The following CADM2 variants were observed in gnomAD, a reference collection of about 807,000 sequenced individuals.
CADM2 encodes cell adhesion molecule 2, also known as immunoglobulin superfamily member 4D.
Under a neutral mutation model 49.8 loss-of-function variants are expected in CADM2, and 12 were observed. That is an observed-to-expected ratio of 0.24 (90% CI 0.15 to 0.39). CADM2 has a LOEUF of 0.39. Ranked by LOEUF, CADM2 falls within the 10% of genes least tolerant of loss-of-function variation. The probability of loss-of-function intolerance (pLI) is 1.00; values close to 1 mark genes in which losing one functional copy is unlikely to be tolerated. For synonymous variants in CADM2, 214 were observed against 175.4 expected (o/e 1.22, Z -1.74); for missense variants, 378 against 492.3 (o/e 0.77, Z 2.20).
intron 7 of CADM2, among the ~76,000 whole-genome samples, chr3:85,961,056 A>T: frequency 6.8e-6 from 1 of 147,192 alleles, no homozygotes; most frequent in East Asian, 2.0e-4. Context: ...ATTTATAAAA[A>T]TTATATATTT....
chr3:85,737,279 G>A (rs1334374417), intron 2 of CADM2, among the ~76,000 whole-genome samples: 6 of 152,030 alleles, frequency 3.9e-5, no homozygotes, highest in South Asian at 4.1e-4. Flanking sequence ...ACTGATTCTC[G>A]TAATCGAAAA....
At position 85,028,668 on chromosome 3, in the gene CADM2, T is replaced by C. The variant is rs190760839; in HGVS notation, c.61+69000T>C. Among the ~76,000 whole-genome samples, 371 of 152,088 alleles carry C rather than the reference T, an allele frequency of 2.4e-3. 4 individuals are homozygous for C. Among genetic ancestry groups the C allele is most frequent in the African/African-American group, 8.7e-3 (362 of 41,532 alleles). On this transcript the variant is annotated intron_variant, in intron 1 of 9. Transcript: ENST00000383699. Reference sequence around the variant, plus strand: ...AAAGAAAATAGAAATCTCGTGATATTTGATGTGAGCATACAGAAGACTGGT... The same window carrying C: ...AAAGAAAATAGAAATCTCGTGATATCTGATGTGAGCATACAGAAGACTGGT...
intron 1 of CADM2, among the ~76,000 whole-genome samples, chr3:85,467,104 T>C: frequency 6.6e-6 from 1 of 152,302 alleles, no homozygotes; most frequent in Admixed American, 6.5e-5. Flanking sequence ...CTATGTTGAC[T>C]ACAAGAGATA....
intron 1 of CADM2, among the ~76,000 whole-genome samples, chr3:85,564,975 A>G (rs958749568): frequency 6.6e-6 from 1 of 152,136 alleles, no homozygotes; most frequent in African/African-American, 2.4e-5. Flanking sequence ...AGCTTTAGAT[A>G]TGCATAGATC....
chr3:84,993,333 G>T (rs1409534485), intron 1 of CADM2, among the ~76,000 whole-genome samples: 1 of 152,130 alleles, frequency 6.6e-6, no homozygotes. Flanking sequence ...GATGCCCATT[G>T]CTAGTGAAAC....
chr3:85,473,435 T>G (rs777124323), intron 1 of CADM2, among the ~76,000 whole-genome samples: 6 of 152,028 alleles, frequency 3.9e-5, no homozygotes, highest in Non-Finnish European at 8.8e-5. Context: ...ACCAGTCTTT[T>G]AATTAGGCAG....
intron 1 of CADM2, among the ~76,000 whole-genome samples, chr3:85,551,714 G>A (rs527749498): frequency 1.3e-5 from 2 of 152,138 alleles, no homozygotes; most frequent in Admixed American, 1.3e-4. Context: ...CACAACACAA[G>A]GCAATCCTTT....
At chr3:85,319,691 A>G (rs1643940733) in intron 1 of CADM2, among the ~76,000 whole-genome samples, 1 of 152,232 alleles carries the variant, frequency 6.6e-6, no homozygotes, top group Non-Finnish European at 1.5e-5. Flanking sequence ...GTATGCAGGA[A>G]CAGAAAACCA....
rs969696518 is a variant in CADM2, at chr3:85,532,283, A to C, written c.62-194239A>C. 7.9e-5 allele frequency among the ~76,000 whole-genome samples: 12 copies of C among 152,320 alleles called. No individual in the cohort carries two copies. In the Middle Eastern group the frequency reaches 0.014, roughly 173 times the overall value. On this transcript the variant is annotated intron_variant, in intron 1 of 9. Coordinates refer to ENST00000383699, the MANE Select transcript of CADM2 (RefSeq NM_001167675.2). ...TATTCTCCCTCCTCAAACTGAAATAATTCAAAGTACTTGTTATTGTTGACT... is the reference window on the plus strand; with the variant it reads ...TATTCTCCCTCCTCAAACTGAAATACTTCAAAGTACTTGTTATTGTTGACT...
chr3:85,147,864 G>A (rs776172179), intron 1 of CADM2, among the ~76,000 whole-genome samples: 1 of 152,018 alleles, frequency 6.6e-6, no homozygotes, highest in African/African-American at 2.4e-5. Flanking sequence ...GAAATGTTTT[G>A]TTAACATTTA....
At chr3:85,348,183 C>T (rs2030958745) in intron 1 of CADM2, among the ~76,000 whole-genome samples, 1 of 152,100 alleles carries the variant, frequency 6.6e-6, no homozygotes, top group African/African-American at 2.4e-5. Flanking sequence ...CAATCCTCAG[C>T]CAATTGCAAA....
At chr3:85,659,053 A>AAATAATAT (rs2065311767) in intron 1 of CADM2, among the ~76,000 whole-genome samples, 1 of 140,070 alleles carries the variant, frequency 7.1e-6, no homozygotes. Flanking sequence ...CTCTGTCTCT[A>AAATAATAT]AATAATAATA....
chr3:85,810,571 A>G (rs1327196946), intron 3 of CADM2, among the ~76,000 whole-genome samples: 3 of 118,340 alleles, frequency 2.5e-5, no homozygotes, highest in African/African-American at 1.0e-4. Flanking sequence ...ACTAAGTCTC[A>G]CTTCGTCACC....
At chr3:85,063,185 A>G (rs1167222665) in intron 1 of CADM2, among the ~76,000 whole-genome samples, 1 of 151,968 alleles carries the variant, frequency 6.6e-6, no homozygotes, top group African/African-American at 2.4e-5. Context: ...AAATAAAACT[A>G]ATTTAATCTC....
chr3:85,492,817 A>G (rs1246490715), intron 1 of CADM2, among the ~76,000 whole-genome samples: 1 of 152,140 alleles, frequency 6.6e-6, no homozygotes, highest in Non-Finnish European at 1.5e-5. Context: ...AGATTCCTAA[A>G]TGTTGCCAAA....
In CADM2 at chr3:85,466,981, A is replaced by G. The variant is rs141124471; in HGVS notation, c.62-259541A>G. ...AGACTATGAATAACTACCAGCTTCA[A>G]TACTTTTCTAGAATTCTGTAAATTT... On this transcript the variant is annotated intron_variant, in intron 1 of 9. Transcript: ENST00000383699. Among the ~76,000 whole-genome samples the G allele has an allele frequency of 3.9e-5, 6 of 152,312 alleles. No homozygotes were observed. The East Asian group carries it at 1.2e-3, about 29-fold the overall frequency.
At chr3:85,108,140 AT>A (rs1470353699) in intron 1 of CADM2, among the ~76,000 whole-genome samples, 1 of 152,186 alleles carries the variant, frequency 6.6e-6, no homozygotes, top group Non-Finnish European at 1.5e-5. Context: ...TAGTAGCATT[AT>A]TTACAATAGC....
intron 8 of CADM2, among the ~76,000 whole-genome samples, chr3:85,982,209 T>C (rs2108674021): frequency 6.6e-6 from 1 of 151,822 alleles, no homozygotes; most frequent in Admixed American, 6.6e-5. Flanking sequence ...AGTGGTTTAC[T>C]CTTTCTGGTA....
chr3:85,486,509 C>T (rs2039422700), intron 1 of CADM2, among the ~76,000 whole-genome samples: 2 of 152,098 alleles, frequency 1.3e-5, no homozygotes, highest in Non-Finnish European at 2.9e-5. Context: ...TATTTCTGCT[C>T]TTATTTTAGA....
Sources: gnomAD v4.1 joint callset for allele counts (sites outside exome capture counted in the v4.1 genomes callset) on GRCh38, gnomAD v4.1.1 for gene constraint, MANE v1.5 for transcripts, NCBI Gene and HGNC (gene_info 2026-07-23, HGNC 2026-07-21) for gene names.